PTPRM: variants seen among roughly 807,000 people sequenced by gnomAD.
PTPRM encodes the protein protein tyrosine phosphatase receptor type M, also known as receptor-type tyrosine-protein phosphatase mu.
Under a neutral mutation model 186.7 loss-of-function variants are expected in PTPRM, and 47 were observed. The observed-to-expected ratio is 0.25, with a 90% CI of 0.20 to 0.32. PTPRM has a LOEUF of 0.32. Among genes scored for constraint, PTPRM ranks in the 10% least tolerant of loss-of-function variants. The pLI is 1.00. For missense variants in PTPRM, 1,494 were observed against 1,865.0 expected, an observed-to-expected ratio of 0.80 and a Z score of 3.66; for synonymous variants, 668 against 674.9, an observed-to-expected ratio of 0.99 and a Z score of 0.16.
chr18:7,824,517 G>T (rs1441837873), intron 2 of PTPRM, among the ~76,000 whole-genome samples: 9 of 152,046 alleles, frequency 5.9e-5, no homozygotes, highest in African/African-American at 2.2e-4. Flanking sequence ...TACTTTTATT[G>T]CTCGTTTTTT....
chr18:7,768,386 T>C (rs1334417398), intron 1 of PTPRM, among the ~76,000 whole-genome samples: 1 of 152,020 alleles, frequency 6.6e-6, no homozygotes, highest in Non-Finnish European at 1.5e-5. Context: ...CCAGGTACTC[T>C]GGAGGCTGAG....
intron 1 of PTPRM, among the ~76,000 whole-genome samples, chr18:7,732,004 A>G (rs749064461): frequency 1.1e-4 from 16 of 152,230 alleles, no homozygotes; most frequent in Admixed American, 7.9e-4. Context: ...CAATAAGAAA[A>G]CATTTTCTAA....
chr18:7,899,046 C>G (rs1393466691), intron 3 of PTPRM, among the ~76,000 whole-genome samples: 1 of 152,242 alleles, frequency 6.6e-6, no homozygotes, highest in Non-Finnish European at 1.5e-5. Flanking sequence ...CACTGTAACT[C>G]ATGCTGACTG....
At chr18:8,212,526 G>T (rs1253098120) in intron 14 of PTPRM, among the ~76,000 whole-genome samples, 1 of 152,154 alleles carries the variant, frequency 6.6e-6, no homozygotes, top group Non-Finnish European at 1.5e-5. Flanking sequence ...TCTATGGCTG[G>T]ACACAGTTGT....
At chr18:7,837,462 A>ATT (rs139653116) in intron 2 of PTPRM, among the ~76,000 whole-genome samples, 30 of 149,534 alleles carry the variant, frequency 2.0e-4, no homozygotes, top group African/African-American at 6.9e-4. Context: ...CTCAAAACAC[A>ATT]TTTTTTTTTT....
intron 1 of PTPRM, among the ~76,000 whole-genome samples, chr18:7,773,552 CT>C (rs1193975388): frequency 3.7e-5 from 5 of 135,988 alleles, no homozygotes; most frequent in Admixed American, 7.5e-5. Flanking sequence ...GTCTTACTTT[CT>C]TTTTTTTCTT....
chr18:7,942,351 G>A (rs1197360761), intron 5 of PTPRM, among the ~76,000 whole-genome samples: 8 of 151,926 alleles, frequency 5.3e-5, no homozygotes, highest in African/African-American at 1.2e-4. Context: ...ATGAAGACCC[G>A]AATACTCAGG....
intron 1 of PTPRM, among the ~76,000 whole-genome samples, chr18:7,578,635 A>T (rs964518006): frequency 3.2e-4 from 45 of 140,570 alleles, no homozygotes; most frequent in African/African-American, 1.2e-3. Flanking sequence ...GCGCCTGGCC[A>T]ATTTTTTTTT....
At chr18:8,166,700 G>A (rs192166618) in intron 14 of PTPRM, among the ~76,000 whole-genome samples, 241 of 152,160 alleles carry the variant, frequency 1.6e-3, no homozygotes, top group African/African-American at 5.5e-3. Flanking sequence ...TCACTGTTTC[G>A]CTTTGTAATG....
chr18:7,712,527 T>C (rs2040234917), intron 1 of PTPRM, among the ~76,000 whole-genome samples: 1 of 152,030 alleles, frequency 6.6e-6, no homozygotes, highest in Non-Finnish European at 1.5e-5. Flanking sequence ...GTTTGATGAA[T>C]TCACAGAAGT....
At chr18:7,710,178 T>C (rs1038695640) in intron 1 of PTPRM, among the ~76,000 whole-genome samples, 4 of 152,172 alleles carry the variant, frequency 2.6e-5, no homozygotes, top group South Asian at 2.1e-4. Flanking sequence ...TCCAACAGCG[T>C]ATCAAAAAGA....
chr18:8,346,904 C>T (rs2095508399), intron 23 of PTPRM, among the ~76,000 whole-genome samples: 1 of 152,094 alleles, frequency 6.6e-6, no homozygotes, highest in Admixed American at 6.5e-5. Context: ...GGGCCCTGAG[C>T]AAATGCCCAG....
intron 14 of PTPRM, among the ~76,000 whole-genome samples, chr18:8,240,788 GAGAGAGAGAGAGAGAGAGAGA>G (rs2094422056): frequency 4.0e-5 from 3 of 75,190 alleles, no homozygotes; most frequent in South Asian, 5.4e-4. Flanking sequence ...GAGAGAGAGA[GAGAGAGAGAGAGAGAGAGAGA>G]GAGAGAGAGA....
chr18:7,803,545 C>G (rs781342464), intron 2 of PTPRM, among the ~76,000 whole-genome samples: 1 of 152,110 alleles, frequency 6.6e-6, no homozygotes, highest in African/African-American at 2.4e-5. Context: ...GATTAAGACA[C>G]GGACATCATT....
intron 1 of PTPRM, among the ~76,000 whole-genome samples, chr18:7,728,562 T>G (rs999378771): frequency 2.0e-5 from 3 of 152,176 alleles, no homozygotes; most frequent in African/African-American, 7.2e-5. Flanking sequence ...AACATTCCAT[T>G]GGTTAAAAGG....
chr18:7,639,745 C>A (rs532316246), intron 1 of PTPRM, among the ~76,000 whole-genome samples: 25 of 152,274 alleles, frequency 1.6e-4, no homozygotes, highest in Admixed American at 4.6e-4. Flanking sequence ...ATATGGTGAA[C>A]AAGCAGATAT....
At chr18:7,750,493 G>C (rs927947042) in intron 1 of PTPRM, among the ~76,000 whole-genome samples, 3 of 152,096 alleles carry the variant, frequency 2.0e-5, no homozygotes, top group African/African-American at 7.2e-5. Context: ...AACATTCCTC[G>C]TATCAGTCTT....
intron 1 of PTPRM, among the ~76,000 whole-genome samples, chr18:7,757,617 A>G (rs1453586219): frequency 6.6e-6 from 1 of 152,134 alleles, no homozygotes; most frequent in East Asian, 1.9e-4. Flanking sequence ...CACACACACC[A>G]TGTGGGGTGA....
intron 1 of PTPRM, among the ~76,000 whole-genome samples, chr18:7,660,284 C>T (rs772460794): frequency 6.6e-6 from 1 of 151,700 alleles, no homozygotes; most frequent in Admixed American, 6.6e-5. Context: ...TACAGTGAGT[C>T]GAGATCATGC....
Sources: gnomAD v4.1 joint callset for allele counts (sites outside exome capture counted in the v4.1 genomes callset) on GRCh38, gnomAD v4.1.1 for gene constraint, MANE v1.5 for transcripts, NCBI Gene and HGNC (gene_info 2026-07-23, HGNC 2026-07-21) for gene names.